Variants in CDC14B observed in about 807,000 individuals in gnomAD.
CDC14B encodes dual specificity protein phosphatase CDC14B.
CDC14B carries 22 observed loss-of-function variants against 64.2 expected under a neutral mutation model. That is an observed-to-expected ratio of 0.34 (90% CI 0.24 to 0.49). The LOEUF (loss-of-function observed/expected upper bound fraction) is 0.49, where lower values mean the gene tolerates loss of function less well. Among genes scored for constraint, CDC14B ranks in the 20% least tolerant of loss-of-function variants. The probability of loss-of-function intolerance (pLI) is 0.99; values close to 1 mark genes in which losing one functional copy is unlikely to be tolerated. For synonymous variants in CDC14B, 191 were observed against 215.8 expected (o/e 0.89, Z 1.01); for missense variants, 498 against 629.9 (o/e 0.79, Z 2.24).
chr9:96,525,924 T>C (rs2131590515), intron 9 of CDC14B, among the ~76,000 whole-genome samples: 1 of 152,266 alleles, frequency 6.6e-6, no homozygotes, highest in Non-Finnish European at 1.5e-5. Flanking sequence ...GATGGCAGAA[T>C]ATAATGAACT....
At chr9:96,564,553 T>G (rs371287366) in intron 3 of CDC14B, among the ~76,000 whole-genome samples, 2 of 152,172 alleles carry the variant, frequency 1.3e-5, no homozygotes, top group Non-Finnish European at 2.9e-5. Context: ...GCATCACTAA[T>G]TCAAACTAGA....
intron 4 of CDC14B, 126 bp from the exon 5 acceptor site, chr9:96,551,998 C>T (rs1841904883): frequency 8.2e-7 from 1 of 1,219,174 alleles, no homozygotes. Context: ...CCCCAGGAGC[C>T]TAGGAATCAC....
chr9:96,529,933 T>C (rs959183596), intron 9 of CDC14B, among the ~76,000 whole-genome samples: 1 of 152,196 alleles, frequency 6.6e-6, no homozygotes, highest in Admixed American at 6.5e-5. Context: ...TGTTGAAATT[T>C]TGACAGGCTT....
chr9:96,529,830 C>T lies in CDC14B; in HGVS notation c.946+4097G>A, dbSNP rs141534096. 3.5e-3 allele frequency among the ~76,000 whole-genome samples: 540 copies of T among 152,152 alleles called. 5 individuals carry two copies. Among genetic ancestry groups the T allele is most frequent in the African/African-American group, 0.013 (526 of 41,518 alleles). On this transcript the variant is annotated intron_variant, in intron 9 of 13. Transcript: ENST00000375241. ...TTAAACCAGGAAGTGAGTCCTCCAA[C>T]CTTTTTATTCTTTCTCAAGATTGTT...
chr9:96,567,607 T>G (rs1844179591), intron 1 of CDC14B, among the ~76,000 whole-genome samples: 1 of 152,270 alleles, frequency 6.6e-6, no homozygotes, highest in Admixed American at 6.5e-5. Context: ...AACAAAAATG[T>G]TGACACCCTT....
chr9:96,533,229 A>G (rs1049976783), intron 9 of CDC14B, among the ~76,000 whole-genome samples: 9 of 152,244 alleles, frequency 5.9e-5, no homozygotes, highest in Non-Finnish European at 1.0e-4. Flanking sequence ...ATGGCCTCCC[A>G]AAGTGCTGGG....
At chr9:96,497,350 C>A (rs1322753451), downstream of CDC14B, among the ~76,000 whole-genome samples, 1 of 152,176 alleles carries the variant, frequency 6.6e-6, no homozygotes, top group African/African-American at 2.4e-5. Flanking sequence ...AGGCCAGGGA[C>A]CCCCGAGGCG....
At chr9:96,496,374 A>T (rs780916314), downstream of CDC14B, 1 of 507,544 alleles carries the variant, frequency 2.0e-6, no homozygotes, top group Non-Finnish European at 3.9e-6. Flanking sequence ...AAAAGGGAGG[A>T]GATGGACAGC....
At position 96,534,502 on chromosome 9, in the gene CDC14B, C is replaced by T. The variant is rs771541091; in HGVS notation, c.668G>A (p.Arg223Gln). Reference sequence around the variant, plus strand: ...ATGAGGTCCACAGAAGGCAATAAATCGGTCTGGTATTATCCAATTTAAATC... The same window carrying T: ...ATGAGGTCCACAGAAGGCAATAAATTGGTCTGGTATTATCCAATTTAAATC... Reference protein sequence around the residue: ...NGDLNWIIPDRFIAFCGPHSR... With the variant: ...NGDLNWIIPDQFIAFCGPHSR... Residue 223 changes from arginine (R) to glutamine (Q), a missense_variant, in exon 8 of 14, where the codon CGA (arginine) becomes CAA (glutamine). Arg to Gln is a conservative substitution (Grantham distance 43). Transcript: ENST00000375241. The T allele has an allele frequency of 2.5e-6, 4 of 1,613,406 alleles. No homozygotes were observed. Among genetic ancestry groups the T allele is most frequent in the South Asian group, 1.1e-5 (1 of 91,066 alleles).
At chr9:96,558,039 G>GT (rs1048450832) in intron 4 of CDC14B, among the ~76,000 whole-genome samples, 29 of 152,210 alleles carry the variant, frequency 1.9e-4, no homozygotes, top group African/African-American at 7.2e-5. Context: ...GCAGGAAGAT[G>GT]TAACCAAAGT....
At chr9:96,514,631 G>T in intron 12 of CDC14B, 1 of 985,326 alleles carries the variant, frequency 1.0e-6, no homozygotes, top group Non-Finnish European at 1.2e-6. Flanking sequence ...AAGAGATCTT[G>T]CAAGGAACTT....
At chr9:96,608,694 A>T (rs1281928455) in intron 1 of CDC14B, among the ~76,000 whole-genome samples, 3 of 152,194 alleles carry the variant, frequency 2.0e-5, no homozygotes, top group Admixed American at 6.5e-5. Context: ...ATAAACAAGA[A>T]ATCTTATTTT....
intron 5 of CDC14B, among the ~76,000 whole-genome samples, chr9:96,547,776 G>A (rs376351278): frequency 5.3e-5 from 8 of 152,016 alleles, no homozygotes; most frequent in South Asian, 2.1e-4. Context: ...TTATATGCAG[G>A]ATGTCACTTC....
intron 1 of CDC14B, among the ~76,000 whole-genome samples, chr9:96,616,128 C>T (rs1012778997): frequency 1.3e-5 from 2 of 151,770 alleles, no homozygotes; most frequent in Admixed American, 6.6e-5. Flanking sequence ...GAGTTCCAGA[C>T]CAGCCTGGCC....
chr9:96,552,159 C>T (rs1044872167), intron 4 of CDC14B, among the ~76,000 whole-genome samples: 2 of 152,204 alleles, frequency 1.3e-5, no homozygotes, highest in South Asian at 2.1e-4. Flanking sequence ...CAAATCAAGA[C>T]GTTAGACTGA....
intron 9 of CDC14B, among the ~76,000 whole-genome samples, chr9:96,528,893 A>T (rs1587832837): frequency 1.3e-5 from 2 of 152,280 alleles, no homozygotes; most frequent in East Asian, 3.9e-4. Context: ...CTCACTGGCC[A>T]TTTTATATCT....
At chr9:96,509,012 C>T (rs552183942) in intron 13 of CDC14B, among the ~76,000 whole-genome samples, 24 of 152,352 alleles carry the variant, frequency 1.6e-4, no homozygotes, top group African/African-American at 4.3e-4. Flanking sequence ...CCCCCTTCTA[C>T]TCCTGAGCCA....
chr9:96,542,932 A>C (rs116237273), intron 5 of CDC14B, among the ~76,000 whole-genome samples: 7,901 of 152,036 alleles, frequency 0.052, 689 homozygotes, highest in African/African-American at 0.18. Context: ...TGCTTGAACA[A>C]GAGAGATGGA....
chr9:96,591,763 T>C (rs540113350), intron 1 of CDC14B, among the ~76,000 whole-genome samples: 69 of 152,172 alleles, frequency 4.5e-4, no homozygotes, highest in African/African-American at 1.6e-3. Flanking sequence ...TTTTTTTTTT[T>C]GAGACGGAGT....
Sources: allele counts gnomAD v4.1 joint callset (sites outside exome capture counted in the v4.1 genomes callset), GRCh38; gene constraint gnomAD v4.1.1; transcripts MANE v1.5; gene names NCBI Gene and HGNC (gene_info 2026-07-23, HGNC 2026-07-21).